ULK4: variants seen among roughly 807,000 people sequenced by gnomAD.
The protein encoded by ULK4 is unc-51 like kinase 4, also known as inactive serine/threonine-protein kinase ULK4.
In ULK4, 133 loss-of-function variants were observed where a neutral mutation model predicts 160.6. The ratio of observed to expected loss-of-function variants is 0.83; its 90% CI spans 0.72 to 0.96. The LOEUF is 0.96. Among genes scored for constraint, ULK4 ranks in the 40% least tolerant of loss-of-function variants. The probability of loss-of-function intolerance (pLI) is 0.00; values close to 1 mark genes in which losing one functional copy is unlikely to be tolerated. For missense variants in ULK4, 1,580 were observed against 1,499.5 expected, an observed-to-expected ratio of 1.05 and a Z score of -0.89; for synonymous variants, 534 against 539.8, an observed-to-expected ratio of 0.99 and a Z score of 0.15.
intron 34 of ULK4, among the ~76,000 whole-genome samples, chr3:41,418,348 G>A (rs1305601867): frequency 6.9e-6 from 1 of 144,428 alleles, no homozygotes; most frequent in Non-Finnish European, 1.5e-5. Context: ...TTGGCGGGGG[G>A]GGGGGCACGT....
In ULK4 at chr3:41,870,213, C is replaced by T. The variant is rs542865526; in HGVS notation, c.1656+13661G>A. Among the ~76,000 whole-genome samples, 6 of 152,202 alleles carry T rather than the reference C, an allele frequency of 3.9e-5. 1 individual carries two copies. The highest frequency in any genetic ancestry group is 1.4e-4 in the African/African-American group (6 of 41,532). ...TCTTTAGATTATCTTGGTCAGGGTT[C>T]GGTGTGATTCTTGGAATGTGAGCTG... On this transcript the variant is annotated intron_variant, in intron 17 of 36. Transcript: ENST00000301831.
intron 27 of ULK4, among the ~76,000 whole-genome samples, chr3:41,704,358 C>A (rs1169481673): frequency 2.6e-5 from 4 of 152,176 alleles, no homozygotes; most frequent in African/African-American, 9.6e-5. Context: ...AAGGATGGAA[C>A]CATGTGTCTG....
chr3:41,872,399 T>A (rs781681827), intron 17 of ULK4, among the ~76,000 whole-genome samples: 1 of 152,212 alleles, frequency 6.6e-6, no homozygotes, highest in Non-Finnish European at 1.5e-5. Context: ...GTGACTCTGC[T>A]CTTACTATGA....
At chr3:41,742,283 AG>A (rs993318308) in intron 22 of ULK4, among the ~76,000 whole-genome samples, 9 of 151,996 alleles carry the variant, frequency 5.9e-5, no homozygotes, top group African/African-American at 2.2e-4. Flanking sequence ...ATTCCCCTGG[AG>A]GGGTAGTGTC....
intron 32 of ULK4, among the ~76,000 whole-genome samples, chr3:41,498,147 C>A (rs1285243727): frequency 4.6e-5 from 7 of 152,098 alleles, no homozygotes; most frequent in African/African-American, 1.7e-4. Context: ...AAACTAAATG[C>A]CAGGCCAAAA....
intron 11 of ULK4, among the ~76,000 whole-genome samples, chr3:41,908,156 A>G (rs1256214601): frequency 6.6e-6 from 1 of 152,160 alleles, no homozygotes; most frequent in Non-Finnish European, 1.5e-5. Flanking sequence ...TTTATACAGT[A>G]TTTTCCTTTT....
chr3:41,340,811 G>A (rs1167239357), intron 35 of ULK4, among the ~76,000 whole-genome samples: 1 of 152,166 alleles, frequency 6.6e-6, no homozygotes, highest in African/African-American at 2.4e-5. Flanking sequence ...GGTTCATAAT[G>A]GTAACCACTC....
At chr3:41,954,548 C>T (rs1383063107) in intron 2 of ULK4, 74 bp downstream of exon 2, 2 of 1,504,816 alleles carry the variant, frequency 1.3e-6, no homozygotes, top group African/African-American at 1.4e-5. Context: ...TCAATGACTA[C>T]TGTGAAAATG....
chr3:41,546,352 T>C (rs1361407959), intron 32 of ULK4, among the ~76,000 whole-genome samples: 1 of 152,182 alleles, frequency 6.6e-6, no homozygotes, highest in Non-Finnish European at 1.5e-5. Context: ...TAGCCCTTAC[T>C]TTAGGACATG....
intron 19 of ULK4, 131 bp downstream of exon 19, chr3:41,819,292 G>A (rs747842907): frequency 1.7e-5 from 13 of 746,800 alleles, no homozygotes; most frequent in African/African-American, 5.2e-5. Context: ...GTAGGTTGTC[G>A]GGATTATTTA....
In ULK4 at chr3:41,941,755, C is replaced by CAAAAAA. The variant is rs565727539; in HGVS notation, c.139-3564_139-3559dup. ...TGAGTGACAGAGTGAGACTCTGTCT[C>CAAAAAA]AAAAAAAAAAAAAAAAAAAAAAAAG... On this transcript the variant is annotated intron_variant, in intron 2 of 36. Transcript: ENST00000301831. Among the ~76,000 whole-genome samples the CAAAAAA allele has an allele frequency of 1.2e-3, 38 of 30,744 alleles. 7 individuals are homozygous for CAAAAAA. The highest frequency in any genetic ancestry group is 5.6e-3 in the South Asian group (2 of 358). 20.2% of individuals were successfully genotyped at this position (30,744 alleles called of 152,430 possible).
At chr3:41,318,018 G>C (rs80128725) in intron 35 of ULK4, among the ~76,000 whole-genome samples, 2 of 151,936 alleles carry the variant, frequency 1.3e-5, no homozygotes, top group African/African-American at 4.8e-5. Flanking sequence ...TAAACTAATC[G>C]CTATATCTAC....
chr3:41,934,075 G>A (rs1179975391), intron 4 of ULK4, among the ~76,000 whole-genome samples: 1 of 152,042 alleles, frequency 6.6e-6, no homozygotes, highest in African/African-American at 2.4e-5. Context: ...TTTTAAAAAT[G>A]TGGTTTTTAT....
At chr3:41,323,717 C>T (rs1268795935) in intron 35 of ULK4, among the ~76,000 whole-genome samples, 1 of 151,972 alleles carries the variant, frequency 6.6e-6, no homozygotes, top group Admixed American at 6.6e-5. Flanking sequence ...CGAGTGCTTA[C>T]AGATGGAGTA....
chr3:41,833,559 G>A (rs1256557354), intron 18 of ULK4, among the ~76,000 whole-genome samples: 1 of 152,060 alleles, frequency 6.6e-6, no homozygotes, highest in Non-Finnish European at 1.5e-5. Flanking sequence ...GCCTCCCAAA[G>A]TGCTAGGATT....
chr3:41,440,222 T>G (rs1324942454), intron 34 of ULK4, among the ~76,000 whole-genome samples: 1 of 152,148 alleles, frequency 6.6e-6, no homozygotes, highest in African/African-American at 2.4e-5. Context: ...GGCAGGGACC[T>G]CTAATACAAT....
chr3:41,335,366 T>A (rs1479141204), intron 35 of ULK4, among the ~76,000 whole-genome samples: 4 of 152,170 alleles, frequency 2.6e-5, no homozygotes, highest in Non-Finnish European at 5.9e-5. Flanking sequence ...CAGCTTAGAA[T>A]CCCTATTTTC....
chr3:41,485,673 C>T (rs573994473), intron 32 of ULK4, among the ~76,000 whole-genome samples: 57 of 152,180 alleles, frequency 3.7e-4, no homozygotes, highest in African/African-American at 1.3e-3. Context: ...GAGCAGTATT[C>T]GATATTCAAC....
At chr3:41,923,214 C>T (rs1171450051) in intron 5 of ULK4, among the ~76,000 whole-genome samples, 1 of 151,798 alleles carries the variant, frequency 6.6e-6, no homozygotes, top group African/African-American at 2.4e-5. Context: ...AATCCCTGAA[C>T]CAGGCTGGGC....
Sources: gnomAD v4.1 joint callset for allele counts (sites outside exome capture counted in the v4.1 genomes callset) on GRCh38, gnomAD v4.1.1 for gene constraint, MANE v1.5 for transcripts, NCBI Gene and HGNC (gene_info 2026-07-23, HGNC 2026-07-21) for gene names.